The following PLEKHA5 variants were observed in gnomAD, a reference collection of about 807,000 sequenced individuals.
The protein encoded by PLEKHA5 is pleckstrin homology domain containing A5.
A neutral mutation model predicts 181.9 loss-of-function variants in PLEKHA5; 55 were observed. The observed-to-expected ratio is 0.30, with a 90% confidence interval of 0.24 to 0.38. The LOEUF (loss-of-function observed/expected upper bound fraction) is 0.38, where lower values mean the gene tolerates loss of function less well. PLEKHA5 is among the 10% of genes least tolerant of loss of function. The pLI is 1.00. For synonymous variants in PLEKHA5, 535 were observed against 529.4 expected, an observed-to-expected ratio of 1.01 and a Z score of -0.15; for missense variants, 1,432 against 1,549.5, an observed-to-expected ratio of 0.92 and a Z score of 1.27.
rs564732522 is a variant in PLEKHA5, at chr12:19,284,218, G to A, written c.1779+473G>A. On this transcript the variant is annotated intron_variant, in intron 12 of 31. Transcript: ENST00000429027. The stretch of plus-strand genomic sequence containing the variant: ...CGAGTAGCTGGGATTACAGACATGC[G>A]CCACCACACCTGGCTAATTTTTGTA... 2.4e-4 allele frequency among the ~76,000 whole-genome samples: 37 copies of A among 151,996 alleles called. 1 individual carries two copies. The highest frequency in any genetic ancestry group is 5.9e-5 in the Non-Finnish European group (4 of 67,966).
At chr12:19,291,750 TATA>T in intron 15 of PLEKHA5, 53 bp downstream of exon 15, 2 of 937,272 alleles carry the variant, frequency 2.1e-6, no homozygotes, top group Non-Finnish European at 3.2e-6. Context: ...ACTTCTTAAA[TATA>T]ATACAGTTTT....
At chr12:19,132,246 T>A (rs1385936988) in intron 2 of PLEKHA5, 147 bp from the exon 3 acceptor site, 17 of 595,318 alleles carry the variant, frequency 2.9e-5, no homozygotes, top group Non-Finnish European at 4.4e-5. Flanking sequence ...AAAAATGATA[T>A]CTGTTGTATT....
chr12:19,159,625 G>T (rs1470016663), intron 3 of PLEKHA5, among the ~76,000 whole-genome samples: 1 of 152,032 alleles, frequency 6.6e-6, no homozygotes, highest in Admixed American at 6.6e-5. Flanking sequence ...TTACTTTCAT[G>T]TATGAATAAC....
intron 15 of PLEKHA5, among the ~76,000 whole-genome samples, chr12:19,293,956 A>G (rs927644705): frequency 6.6e-6 from 1 of 152,188 alleles, no homozygotes; most frequent in Non-Finnish European, 1.5e-5. Context: ...CTAATGTGTT[A>G]TTGATCTTCT....
In PLEKHA5 at chr12:19,274,767, C is replaced by T. The variant is rs868192881; in HGVS notation, c.1097C>T (p.Pro366Leu). Residue 366 changes from proline (P) to leucine (L), a missense_variant, in exon 11 of 32, where the codon CCT becomes CTT. Physicochemically the swap from Pro to Leu is moderately conservative, Grantham distance 98 (BLOSUM62 -3). Transcript: ENST00000429027. Reference sequence around the variant, plus strand: ...GAATATGAGAGTGGGTCAGCATGCCCTGCTCAGACTGTGCACTACAGACCA... The same window carrying T: ...GAATATGAGAGTGGGTCAGCATGCCTTGCTCAGACTGTGCACTACAGACCA... ...PSEYESGSAC[P>L]AQTVHYRPIN... The T allele has an allele frequency of 1.2e-6, 2 of 1,614,156 alleles. No homozygotes were observed. Among genetic ancestry groups the T allele is most frequent in the Non-Finnish European group, 8.5e-7 (1 of 1,180,002 alleles).
chr12:19,289,221 G>A (rs150759993), intron 13 of PLEKHA5, among the ~76,000 whole-genome samples: 73 of 152,224 alleles, frequency 4.8e-4, no homozygotes, highest in African/African-American at 1.7e-3. Context: ...TTAATATACA[G>A]TAAAAAACTG....
In PLEKHA5 at chr12:19,310,300, C is replaced by A. The variant is rs182966751; in HGVS notation, c.2038-4514C>A. ...AAACCAGAAGTGAATTATATGTATTCTTTATTTATTTATGTATTTATTTTA... is the reference window on the plus strand; with the variant it reads ...AAACCAGAAGTGAATTATATGTATTATTTATTTATTTATGTATTTATTTTA... On this transcript the variant is annotated intron_variant, in intron 15 of 31. Coordinates refer to ENST00000429027, the MANE Select transcript of PLEKHA5 (RefSeq NM_001256470.2). Among the ~76,000 whole-genome samples the A allele has an allele frequency of 1.6e-3, 244 of 152,144 alleles. 1 individual carries two copies. The highest frequency in any genetic ancestry group is 6.8e-3 in the Middle Eastern group (2 of 294).
intron 3 of PLEKHA5, among the ~76,000 whole-genome samples, chr12:19,185,724 C>G (rs570015544): frequency 1.3e-5 from 2 of 152,116 alleles, no homozygotes; most frequent in Non-Finnish European, 2.9e-5. Context: ...TGCCTGTGTA[C>G]TTAACATATC....
chr12:19,211,859 G>A (rs189486417), intron 3 of PLEKHA5, among the ~76,000 whole-genome samples: 1 of 152,172 alleles, frequency 6.6e-6, no homozygotes, highest in Non-Finnish European at 1.5e-5. Context: ...CTTTTTTAAA[G>A]TTTAAAGCAG....
At chr12:19,369,822 G>T in intron 31 of PLEKHA5, 24 bp downstream of exon 31, 2 of 1,394,506 alleles carry the variant, frequency 1.4e-6, no homozygotes, top group Non-Finnish European at 2.0e-6. Flanking sequence ...CTTTGCATTT[G>T]TGCTTTAGTT....
In PLEKHA5 at chr12:19,353,915, A is replaced by C; in HGVS notation, c.3051A>C (p.Pro1017=). 1 of 1,608,846 alleles carries C rather than the reference A, an allele frequency of 6.2e-7. No homozygotes were observed. The highest frequency in any genetic ancestry group is 8.5e-7 in the Non-Finnish European group (1 of 1,175,316). Residue 1017 remains proline (P), a synonymous_variant, in exon 26 of 32, where the codon CCA becomes CCC. Transcript: ENST00000429027. ...GSHFPVGVVP[P]RAKSPTPESS... ...ACTTTCCTGTTGGAGTAGTCCCTCCAAGAGCAAAATCACCAACACCCGAAT... is the reference window on the plus strand; with the variant it reads ...ACTTTCCTGTTGGAGTAGTCCCTCCCAGAGCAAAATCACCAACACCCGAAT...
At chr12:19,314,321 A>C (rs1320457907) in intron 15 of PLEKHA5, among the ~76,000 whole-genome samples, 2 of 152,176 alleles carry the variant, frequency 1.3e-5, no homozygotes, top group Non-Finnish European at 2.9e-5. Flanking sequence ...ATTACCTTTA[A>C]TAAAATATGT....
intron 3 of PLEKHA5, among the ~76,000 whole-genome samples, chr12:19,182,337 T>C (rs2048810128): frequency 6.6e-6 from 1 of 152,194 alleles, no homozygotes; most frequent in Admixed American, 6.5e-5. Flanking sequence ...ATTTTTGATG[T>C]TTTGATTGTG....
chr12:19,200,220 G>A, intron 3 of PLEKHA5: 5 of 744,940 alleles, frequency 6.7e-6, no homozygotes, highest in South Asian at 5.5e-5. Flanking sequence ...TTTCCATGCA[G>A]CAACAAAAGT....
At chr12:19,192,504 C>T (rs1444319231) in intron 3 of PLEKHA5, among the ~76,000 whole-genome samples, 1 of 152,082 alleles carries the variant, frequency 6.6e-6, no homozygotes, top group African/African-American at 2.4e-5. Context: ...TCAAGACCAG[C>T]CTGGCCAACA....
intron 3 of PLEKHA5, among the ~76,000 whole-genome samples, chr12:19,191,138 T>C (rs781040154): frequency 1.3e-5 from 2 of 152,216 alleles, no homozygotes; most frequent in African/African-American, 2.4e-5. Flanking sequence ...TTACCACCTA[T>C]ACCTTCTCTT....
chr12:19,362,490 C>T (rs929866887), intron 29 of PLEKHA5, among the ~76,000 whole-genome samples: 4 of 151,170 alleles, frequency 2.6e-5, no homozygotes, highest in African/African-American at 9.7e-5. Flanking sequence ...GCCAAGATCA[C>T]ACCACTACAC....
In PLEKHA5 at chr12:19,291,567, C is replaced by T. The variant is rs1300534408; in HGVS notation, c.1984-77C>T. 4 of 838,804 alleles carry T rather than the reference C, an allele frequency of 4.8e-6. No individual in the cohort carries two copies. The South Asian group carries it at 6.4e-5, about 13-fold the overall frequency. 52.0% of individuals were successfully genotyped at this position (838,804 alleles called of 1,614,324 possible). On this transcript the variant is annotated intron_variant, in intron 14 of 31. Coordinates refer to ENST00000429027, the MANE Select transcript of PLEKHA5 (RefSeq NM_001256470.2). ...AGGTTGTAGTAAATTACCTGTTTTTCTTATTCCAAAATTGACCTTTTCTTG... is the reference window on the plus strand; with the variant it reads ...AGGTTGTAGTAAATTACCTGTTTTTTTTATTCCAAAATTGACCTTTTCTTG...
chr12:19,364,462 G>C (rs1376694604), intron 29 of PLEKHA5, among the ~76,000 whole-genome samples: 5 of 151,858 alleles, frequency 3.3e-5, no homozygotes, highest in Non-Finnish European at 7.4e-5. Flanking sequence ...AGTGAGCCGA[G>C]ATCCCGCCAC....
Sources: allele counts gnomAD v4.1 joint callset (sites outside exome capture counted in the v4.1 genomes callset), GRCh38; gene constraint gnomAD v4.1.1; transcripts MANE v1.5; gene names NCBI Gene and HGNC (gene_info 2026-07-23, HGNC 2026-07-21).